The following SYCP2L variants were observed in gnomAD, a reference collection of about 807,000 sequenced individuals.
SYCP2L encodes synaptonemal complex protein 2-like.
Under a neutral mutation model 125.8 loss-of-function variants are expected in SYCP2L, and 98 were observed. The ratio of observed to expected loss-of-function variants is 0.78; its 90% CI spans 0.66 to 0.92. The LOEUF (loss-of-function observed/expected upper bound fraction) is 0.92, where lower values mean the gene tolerates loss of function less well. SYCP2L is among the 40% of genes least tolerant of loss of function. SYCP2L has a pLI of 0.00. For missense variants in SYCP2L, 842 were observed against 936.4 expected (o/e 0.90, Z 1.32); for synonymous variants, 317 against 325.4 (o/e 0.97, Z 0.28).
At chr6:10,968,030 C>T (rs531972828) in intron 29 of SYCP2L, among the ~76,000 whole-genome samples, 3 of 152,168 alleles carry the variant, frequency 2.0e-5, no homozygotes, top group East Asian at 1.9e-4. Context: ...CTTTGTCTGA[C>T]AGGGAAAGAG....
intron 26 of SYCP2L, among the ~76,000 whole-genome samples, chr6:10,959,893 GA>G (rs1781569573): frequency 2.0e-5 from 3 of 149,226 alleles, no homozygotes; most frequent in African/African-American, 7.4e-5. Flanking sequence ...AAGAAAGAAA[GA>G]AAAGAAAACA....
chr6:10,942,699 C>T lies in SYCP2L; in HGVS notation c.1907C>T (p.Thr636Ile), dbSNP rs954661521. The T allele has an allele frequency of 6.2e-7, 1 of 1,612,464 alleles. No individual in the cohort carries two copies. Among genetic ancestry groups the T allele is most frequent in the Non-Finnish European group, 8.5e-7 (1 of 1,179,746 alleles). The change falls in exon 23 of 30, where the codon ACA becomes ATA. Residue 636 changes from threonine (T) to isoleucine (I), a missense_variant. By Grantham distance (89) the Thr-to-Ile change is moderately conservative (BLOSUM62 -1). Coordinates refer to ENST00000283141, the MANE Select transcript of SYCP2L (RefSeq NM_001040274.3). The part of the protein sequence containing the change: ...KPKIVNQESL[T>I]ESTSLKHKLR... ...AAGATTGTGAACCAAGAATCACTAACAGAAAGTACTAGCTTGAAACATAAG... is the reference window on the plus strand; with the variant it reads ...AAGATTGTGAACCAAGAATCACTAATAGAAAGTACTAGCTTGAAACATAAG...
chr6:10,918,828 C>T (rs150095047), intron 14 of SYCP2L, among the ~76,000 whole-genome samples: 83 of 152,288 alleles, frequency 5.5e-4, no homozygotes, highest in African/African-American at 1.9e-3. Context: ...GCTACCATGC[C>T]CGGCTGACTT....
At chr6:10,927,842 A>C (rs1291009110) in intron 17 of SYCP2L, among the ~76,000 whole-genome samples, 1 of 152,070 alleles carries the variant, frequency 6.6e-6, no homozygotes, top group African/African-American at 2.4e-5. Context: ...ACCATAGAAG[A>C]TGGTCACACC....
chr6:10,950,379 A>G (rs946350105), intron 23 of SYCP2L, among the ~76,000 whole-genome samples: 1 of 151,970 alleles, frequency 6.6e-6, no homozygotes, highest in African/African-American at 2.4e-5. Flanking sequence ...AATTCGTAAA[A>G]TGTTCTCTGT....
intron 23 of SYCP2L, among the ~76,000 whole-genome samples, chr6:10,944,798 T>C (rs1009066782): frequency 6.6e-6 from 1 of 152,190 alleles, no homozygotes; most frequent in Non-Finnish European, 1.5e-5. Flanking sequence ...CACTGCAACC[T>C]CTGTCTCCCA....
chr6:10,897,701 T>C (rs1780281519), intron 4 of SYCP2L, among the ~76,000 whole-genome samples: 1 of 152,184 alleles, frequency 6.6e-6, no homozygotes, highest in African/African-American at 2.4e-5. Flanking sequence ...CATGAGCCAC[T>C]GCGCCTGGCC....
At chr6:10,944,353 A>G (rs1187498574) in intron 23 of SYCP2L, among the ~76,000 whole-genome samples, 1 of 152,208 alleles carries the variant, frequency 6.6e-6, no homozygotes, top group East Asian at 1.9e-4. Flanking sequence ...CTAGTTGTCT[A>G]TAGAATTATC....
chr6:10,908,065 T>C (rs1465111741), intron 10 of SYCP2L, among the ~76,000 whole-genome samples: 1 of 151,882 alleles, frequency 6.6e-6, no homozygotes, highest in Non-Finnish European at 1.5e-5. Flanking sequence ...ATTTTTTATT[T>C]TTAGTAGAGA....
rs765700170 is a variant in SYCP2L, at chr6:10,894,118, C to G, written c.250C>G (p.Leu84Val). The G allele has an allele frequency of 1.2e-5, 19 of 1,613,566 alleles. 1 individual carries two copies. The South Asian group carries it at 2.0e-4, about 17-fold the overall frequency. ...TAAAAATGAATTTCAGTCTGTGTCA[C>G]TGTTGCTGAAATGTATTCAGCGATT... ...LDKNEFQSVSLLLKCIQRFLV... is the reference protein window; with the variant it reads ...LDKNEFQSVSVLLKCIQRFLV... Residue 84 changes from leucine (L) to valine (V), a missense_variant, in exon 4 of 30, where the codon CTG becomes GTG. Coordinates refer to ENST00000283141, the MANE Select transcript of SYCP2L (RefSeq NM_001040274.3).
Position 10,905,923 on chromosome 6 carries a change from A to T in SYCP2L, c.642-97A>T, listed in dbSNP as rs772237294. The T allele has an allele frequency of 2.9e-4, 218 of 762,028 alleles. 1 individual carries two copies. Among genetic ancestry groups the T allele is most frequent in the Non-Finnish European group, 4.4e-4 (203 of 465,936 alleles). 47.2% of individuals were successfully genotyped at this position (762,028 alleles called of 1,614,324 possible). A position where few individuals can be genotyped will look rare whatever the true frequency, so the allele number is the denominator to read the frequency against. ...GATGCTGAATTTGAAATAGTTTCAGAAACATATACTTTGGTTTTAAAGTTT... is the reference window on the plus strand; with the variant it reads ...GATGCTGAATTTGAAATAGTTTCAGTAACATATACTTTGGTTTTAAAGTTT... On this transcript the variant is annotated intron_variant, in intron 8 of 29. Coordinates refer to ENST00000283141, the MANE Select transcript of SYCP2L (RefSeq NM_001040274.3).
At chr6:10,909,943 G>T (rs570954826) in intron 10 of SYCP2L, among the ~76,000 whole-genome samples, 37 of 152,258 alleles carry the variant, frequency 2.4e-4, no homozygotes, top group Admixed American at 4.6e-4. Flanking sequence ...GGGAGCAAAG[G>T]TTCCTTCTGG....
At chr6:10,910,471 A>G (rs183810305) in intron 11 of SYCP2L, among the ~76,000 whole-genome samples, 30 of 152,324 alleles carry the variant, frequency 2.0e-4, no homozygotes, top group Admixed American at 1.6e-3. Flanking sequence ...TAAAGAGTTC[A>G]TAGACTTTAT....
At position 10,963,898 on chromosome 6, in the gene SYCP2L, A is replaced by T. The variant is rs980228836; in HGVS notation, c.*37+55A>T. 13 of 1,351,614 alleles carry T rather than the reference A, an allele frequency of 9.6e-6. 1 individual carries two copies. In the Admixed American group the frequency reaches 2.3e-4, roughly 24 times the overall value. 83.7% of individuals were successfully genotyped at this position (1,351,614 alleles called of 1,614,324 possible). On this transcript the variant is annotated intron_variant, in intron 29 of 29. Coordinates refer to ENST00000283141, the MANE Select transcript of SYCP2L (RefSeq NM_001040274.3). ...GATGTGAATCGGGGTCAGGGCAGGGAGCAAGCTCTAAAAGATACTGTAATG... is the reference window on the plus strand; with the variant it reads ...GATGTGAATCGGGGTCAGGGCAGGGTGCAAGCTCTAAAAGATACTGTAATG...
intron 23 of SYCP2L, 31 bp downstream of exon 23, chr6:10,942,777 T>G (rs1781247350): frequency 4.9e-6 from 6 of 1,232,394 alleles, no homozygotes; most frequent in East Asian, 2.4e-5. Flanking sequence ...TTTTTTTTTT[T>G]GCAGAATAAA....
chr6:10,905,966 G>A, intron 8 of SYCP2L, 54 bp from the exon 9 acceptor site: 1 of 1,284,984 alleles, frequency 7.8e-7, no homozygotes, highest in Non-Finnish European at 1.1e-6. Context: ...GTGTAGTAAA[G>A]TTTTACCTCT....
chr6:10,955,988 A>C, intron 24 of SYCP2L, 148 bp from the exon 25 acceptor site: 1 of 610,032 alleles, frequency 1.6e-6, no homozygotes, highest in Non-Finnish European at 2.9e-6. Flanking sequence ...CTTTCCAGAG[A>C]GCGAGGTCAT....
At chr6:10,941,445 C>G (rs954329496) in intron 21 of SYCP2L, among the ~76,000 whole-genome samples, 3 of 152,090 alleles carry the variant, frequency 2.0e-5, no homozygotes, top group Non-Finnish European at 4.4e-5. Context: ...AGAACTCAAA[C>G]AAATTTACAA....
At chr6:10,895,626 CA>C (rs1221933649) in intron 4 of SYCP2L, among the ~76,000 whole-genome samples, 2 of 130,088 alleles carry the variant, frequency 1.5e-5, no homozygotes, top group African/African-American at 5.0e-5. Flanking sequence ...GAAAGGAGAA[CA>C]AAAGGGGGGG....
Sources: allele counts gnomAD v4.1 joint callset (sites outside exome capture counted in the v4.1 genomes callset), GRCh38; gene constraint gnomAD v4.1.1; transcripts MANE v1.5; gene names NCBI Gene and HGNC (gene_info 2026-07-23, HGNC 2026-07-21).